The following DDI2 variants were observed in gnomAD, a reference collection of about 807,000 sequenced individuals.
DDI2 encodes DDI proteasomal shuttling factor 2, also known as protein DDI1 homolog 2.
A neutral mutation model predicts 48.1 loss-of-function variants in DDI2; 5 were observed. The ratio of observed to expected loss-of-function variants is 0.10; its 90% CI spans 0.05 to 0.22. The LOEUF is 0.22. Among genes scored for constraint, DDI2 ranks in the 10% least tolerant of loss-of-function variants. DDI2 has a pLI of 1.00. For synonymous variants in DDI2, 205 were observed against 183.6 expected, an observed-to-expected ratio of 1.12 and a Z score of -0.94; for missense variants, 285 against 506.2, an observed-to-expected ratio of 0.56 and a Z score of 4.19.
intron 9 of DDI2, 78 bp from the exon 10 acceptor site, chr1:15,659,759 G>C: frequency 7.0e-7 from 1 of 1,423,946 alleles, no homozygotes; most frequent in Non-Finnish European, 9.3e-7. Flanking sequence ...ACGCTGTTTA[G>C]ATTTGTATCC....
chr1:15,649,546 C>T (rs896757323), intron 6 of DDI2, among the ~76,000 whole-genome samples, 174 bp from the exon 7 acceptor site: 4 of 151,792 alleles, frequency 2.6e-5, no homozygotes, highest in African/African-American at 9.7e-5. Context: ...TGGCACATGC[C>T]TGTAATCCCA....
rs993361749 is a variant in DDI2, at chr1:15,665,280, A to C, written c.*5490A>C. 1 of 153,730 alleles carries C rather than the reference A, an allele frequency of 6.5e-6. No homozygotes were observed. Among genetic ancestry groups the C allele is most frequent in the Admixed American group, 6.6e-5 (1 of 15,234 alleles). The allele number at this position is 153,730 out of a possible 1,614,324, so 9.5% of individuals were successfully genotyped here. On this transcript the variant is annotated 3_prime_UTR_variant, in exon 10 of 10. Transcript: ENST00000480945. ...TCTGTCTCAAAAAAAAAAAAAAAAA[A>C]GGTAACCAGTTGCTTGGCAAAGGAA...
At chr1:15,631,317 T>C (rs1262789453) in intron 3 of DDI2, among the ~76,000 whole-genome samples, 1 of 152,202 alleles carries the variant, frequency 6.6e-6, no homozygotes, top group South Asian at 2.1e-4. Flanking sequence ...AGTTTTGCCA[T>C]GTTGTCCAGG....
Position 15,654,889 on chromosome 1 carries a change from G to A in DDI2, c.1184-1728G>A, listed in dbSNP as rs1009544771. ...TGGGGTGTAATTTATCATCTTAGTCGTGATGCTGTGTGTTAATATGAGGAT... is the reference window on the plus strand; with the variant it reads ...TGGGGTGTAATTTATCATCTTAGTCATGATGCTGTGTGTTAATATGAGGAT... On this transcript the variant is annotated intron_variant, in intron 8 of 9. Transcript: ENST00000480945. Among the ~76,000 whole-genome samples, 6 of 151,364 alleles carry A rather than the reference G, an allele frequency of 4.0e-5. No individual in the cohort carries two copies. In the East Asian group the frequency reaches 5.8e-4, roughly 15 times the overall value.
chr1:15,651,938 G>A, intron 8 of DDI2, 43 bp downstream of exon 8: 2 of 1,580,588 alleles, frequency 1.3e-6, no homozygotes, highest in Non-Finnish European at 1.7e-6. Flanking sequence ...TTATTGATGG[G>A]TAAGCCCGGG....
intron 3 of DDI2, among the ~76,000 whole-genome samples, chr1:15,633,068 A>G (rs756888914): frequency 1.3e-4 from 19 of 151,754 alleles, no homozygotes; most frequent in Non-Finnish European, 2.7e-4. Flanking sequence ...AGCTGGGACT[A>G]CAGGCATGCA....
At position 15,660,532 on chromosome 1, in the gene DDI2, C is replaced by A. The variant is rs1445856270; in HGVS notation, c.*742C>A. ...AGCTACGATGAAAGGAAATGGGCTC[C>A]CACAGAATGTGGATCCTCCAAGTGC... On this transcript the variant is annotated 3_prime_UTR_variant, in exon 10 of 10. Coordinates refer to ENST00000480945, the MANE Select transcript of DDI2 (RefSeq NM_032341.5). 2 of 1,612,996 alleles carry A rather than the reference C, an allele frequency of 1.2e-6. No homozygotes were observed. Among genetic ancestry groups the A allele is most frequent in the African/African-American group, 2.7e-5 (2 of 74,826 alleles).
rs142452950 is a variant in DDI2 at position 15,660,482 on chromosome 1, A to T, written c.*692A>T. The T allele has an allele frequency of 2.7e-3, 4,426 of 1,614,096 alleles. 10 individuals carry two copies. Among genetic ancestry groups the T allele is most frequent in the Non-Finnish European group, 3.4e-3 (3,996 of 1,180,014 alleles). On this transcript the variant is annotated 3_prime_UTR_variant, in exon 10 of 10. Transcript: ENST00000480945. ...GAGCTTCCTGAAGAAAGGCAACAGA[A>T]TCAACACAAAATTGTTGATTTGGAA...
Position 15,617,645 on chromosome 1 carries a change from G to A in DDI2, c.-26G>A. The stretch of plus-strand genomic sequence containing the variant: ...CCCCGCGCCCAGGCCGGGCCGAGCC[G>A]AGCCGAGCCGGGTCGGGCCCGGGCC... On this transcript the variant is annotated 5_prime_UTR_variant, in exon 1 of 10. Coordinates refer to ENST00000480945, the MANE Select transcript of DDI2 (RefSeq NM_032341.5). 3.6e-6 allele frequency: 5 copies of A among 1,391,800 alleles called. No homozygotes were observed. Among genetic ancestry groups the A allele is most frequent in the Non-Finnish European group, 4.7e-6 (5 of 1,059,666 alleles). The allele number at this position is 1,391,800 out of a possible 1,614,324, so 86.2% of individuals were successfully genotyped here.
chr1:15,642,558 C>A (rs1640026943), intron 5 of DDI2, among the ~76,000 whole-genome samples: 1 of 152,170 alleles, frequency 6.6e-6, no homozygotes, highest in African/African-American at 2.4e-5. Context: ...TCAGGTGATC[C>A]TCCCGTCTTG....
intron 2 of DDI2, among the ~76,000 whole-genome samples, chr1:15,629,948 T>A (rs191868441): frequency 8.5e-5 from 13 of 152,194 alleles, no homozygotes; most frequent in Non-Finnish European, 1.6e-4. Flanking sequence ...ACCAGGCTGG[T>A]CTTGAACTTC....
At chr1:15,624,993 T>C (rs1246868456) in intron 1 of DDI2, among the ~76,000 whole-genome samples, 1 of 152,168 alleles carries the variant, frequency 6.6e-6, no homozygotes, top group Non-Finnish European at 1.5e-5. Flanking sequence ...GCCTACAAAT[T>C]TGCTCATATT....
rs752038175 is a variant in DDI2 at position 15,660,869 on chromosome 1, T to G, written c.*1079T>G. The G allele has an allele frequency of 8.1e-5, 130 of 1,614,040 alleles. No individual in the cohort carries two copies. The highest frequency in any genetic ancestry group is 1.1e-4 in the Non-Finnish European group (128 of 1,180,040). ...TATGGCCATTACTCCTCTCCAAGTC[T>G]CTGTGGCAGTTGTCAGCCTTCTGTG... On this transcript the variant is annotated 3_prime_UTR_variant, in exon 10 of 10. Coordinates refer to ENST00000480945, the MANE Select transcript of DDI2 (RefSeq NM_032341.5).
intron 5 of DDI2, among the ~76,000 whole-genome samples, chr1:15,641,347 C>G (rs1013686999): frequency 6.6e-6 from 1 of 151,794 alleles, no homozygotes; most frequent in African/African-American, 2.4e-5. Context: ...GGTGGCACAC[C>G]TGTAATCCCA....
chr1:15,639,878 C>T (rs1451016418), intron 5 of DDI2, among the ~76,000 whole-genome samples: 1 of 151,874 alleles, frequency 6.6e-6, no homozygotes, highest in Non-Finnish European at 1.5e-5. Flanking sequence ...TGTGGTGGTG[C>T]GTACCTATAG....
intron 1 of DDI2, among the ~76,000 whole-genome samples, chr1:15,620,244 C>G (rs1219295697): frequency 6.6e-6 from 1 of 152,016 alleles, no homozygotes; most frequent in Non-Finnish European, 1.5e-5. Flanking sequence ...TCCATTGTAA[C>G]CTGACAACAC....
At chr1:15,656,828 T>C in intron 9 of DDI2, 149 bp downstream of exon 9, 2 of 1,082,536 alleles carry the variant, frequency 1.8e-6, no homozygotes, top group Non-Finnish European at 1.3e-6. Context: ...GCATTTGTAT[T>C]TTGGCATGCA....
At chr1:15,630,603 T>C (rs777375861) in intron 3 of DDI2, 42 bp downstream of exon 3, 21 of 1,363,374 alleles carry the variant, frequency 1.5e-5, no homozygotes, top group Non-Finnish European at 2.1e-5. Flanking sequence ...TGGCCTGAGG[T>C]GAAGAAGCTG....
intron 4 of DDI2, 92 bp from the exon 5 acceptor site, chr1:15,638,215 G>T: frequency 6.3e-7 from 1 of 1,579,596 alleles, no homozygotes. Context: ...CAAAAGATAT[G>T]TACAAATCTG....
Sources: gnomAD v4.1 joint callset for allele counts (sites outside exome capture counted in the v4.1 genomes callset) on GRCh38, gnomAD v4.1.1 for gene constraint, MANE v1.5 for transcripts, NCBI Gene and HGNC (gene_info 2026-07-23, HGNC 2026-07-21) for gene names.